The following TACC2 variants were observed in gnomAD, a reference collection of about 807,000 sequenced individuals.
TACC2 encodes the protein transforming acidic coiled-coil containing protein 2, also known as transforming acidic coiled-coil-containing protein 2.
TACC2 carries 137 observed loss-of-function variants against 227.3 expected under a neutral mutation model. The observed-to-expected ratio is 0.60, with a 90% CI of 0.52 to 0.69. The LOEUF (loss-of-function observed/expected upper bound fraction) is 0.69. Ranked by LOEUF, TACC2 falls within the 30% of genes least tolerant of loss-of-function variation. TACC2 has a pLI of 0.00. For synonymous variants in TACC2, 1,523 were observed against 1,487.5 expected (o/e 1.02, Z -0.55); for missense variants, 3,470 against 3,694.4 (o/e 0.94, Z 1.57).
intron 1 of TACC2, among the ~76,000 whole-genome samples, chr10:122,018,692 C>T (rs1027009325): frequency 1.3e-5 from 2 of 152,158 alleles, no homozygotes; most frequent in African/African-American, 4.8e-5. Flanking sequence ...TTTTGGAGTT[C>T]CTCCTCGTTG....
At chr10:122,110,929 G>GA (rs1810564741) in intron 5 of TACC2, among the ~76,000 whole-genome samples, 1 of 152,180 alleles carries the variant, frequency 6.6e-6, no homozygotes, top group African/African-American at 2.4e-5. Flanking sequence ...AGCCCTCGAG[G>GA]AAAAATCCAC....
chr10:122,012,112 A>G (rs1018769800), intron 1 of TACC2, among the ~76,000 whole-genome samples: 6 of 152,002 alleles, frequency 3.9e-5, no homozygotes, highest in Admixed American at 3.3e-4. Context: ...TAATTTTTGT[A>G]TTTTTAGTAA....
At chr10:122,053,781 A>G (rs1565169226) in intron 3 of TACC2, among the ~76,000 whole-genome samples, 1 of 152,172 alleles carries the variant, frequency 6.6e-6, no homozygotes, top group Non-Finnish European at 1.5e-5. Flanking sequence ...GCCTTGAGGC[A>G]TCTGTCCCTT....
chr10:122,021,902 T>C (rs1565089118), intron 1 of TACC2, 35 bp from the exon 2 acceptor site: 1 of 1,346,800 alleles, frequency 7.4e-7, no homozygotes. Flanking sequence ...TCTTTTTTCA[T>C]TTCACAGACG....
chr10:122,017,382 C>G (rs991600448), intron 1 of TACC2, among the ~76,000 whole-genome samples: 3 of 152,282 alleles, frequency 2.0e-5, no homozygotes, highest in African/African-American at 7.2e-5. Context: ...TCCCTCCCTG[C>G]CAGTCCTCAG....
intron 11 of TACC2, among the ~76,000 whole-genome samples, chr10:122,217,232 T>G (rs544935053): frequency 6.6e-6 from 1 of 152,120 alleles, no homozygotes; most frequent in African/African-American, 2.4e-5. Flanking sequence ...GCCACCGTTA[T>G]TCCTAGGCCC....
At chr10:122,179,785 G>A (rs1453269739) in intron 7 of TACC2, among the ~76,000 whole-genome samples, 3 of 152,000 alleles carry the variant, frequency 2.0e-5, no homozygotes, top group Non-Finnish European at 2.9e-5. Context: ...TACAAAAAAT[G>A]TTTTTAAAAA....
At chr10:122,117,043 A>C (rs2084826571) in intron 5 of TACC2, among the ~76,000 whole-genome samples, 1 of 152,022 alleles carries the variant, frequency 6.6e-6, no homozygotes, top group East Asian at 1.9e-4. Context: ...TAATGATTTA[A>C]ATTTGTTACA....
rs570810174 is a variant in TACC2 at position 122,252,122 on chromosome 10, G to A, written c.8782-1869G>A. On this transcript the variant is annotated intron_variant, in intron 22 of 22. Transcript: ENST00000369005. ...AAGAGAGAGCTTGGAAAACCTCCGGGAATCACTTTCTAACGGGTCTGCTGA... is the reference window on the plus strand; with the variant it reads ...AAGAGAGAGCTTGGAAAACCTCCGGAAATCACTTTCTAACGGGTCTGCTGA... Among the ~76,000 whole-genome samples, 5 of 152,328 alleles carry A rather than the reference G, an allele frequency of 3.3e-5. No individual in the cohort carries two copies. The East Asian group carries it at 9.7e-4, about 29-fold the overall frequency.
In TACC2 at chr10:122,000,109, C is replaced by T. The variant is rs189398997; in HGVS notation, c.-46+10621C>T. On this transcript the variant is annotated intron_variant, in intron 1 of 22. Coordinates refer to ENST00000369005, the MANE Select transcript of TACC2 (RefSeq NM_206862.4). Reference sequence around the variant, plus strand: ...GAAATTCAGTTTAGAAAATGCAAATCGGCTAAGTTCGTTGGCTCACGCCTG... The same window carrying T: ...GAAATTCAGTTTAGAAAATGCAAATTGGCTAAGTTCGTTGGCTCACGCCTG... Among the ~76,000 whole-genome samples, 39 of 152,270 alleles carry T rather than the reference C, an allele frequency of 2.6e-4. No homozygotes were observed. In the East Asian group the frequency reaches 3.1e-3, roughly 12 times the overall value.
Position 122,050,589 on chromosome 10 carries a change from A to G in TACC2, c.146+39A>G. 2.0e-6 allele frequency: 3 copies of G among 1,505,640 alleles called. No homozygotes were observed. The highest frequency in any genetic ancestry group is 2.8e-6 in the Non-Finnish European group (3 of 1,083,858). 93.3% of individuals were successfully genotyped at this position (1,505,640 alleles called of 1,614,324 possible). On this transcript the variant is annotated intron_variant, in intron 3 of 22. Transcript: ENST00000369005. This position sits in a 1 kb window ranked among gnomAD's most constrained non-coding sequence, Gnocchi z 4.6. Reference sequence around the variant, plus strand: ...TCTGGAGGACTGATGCAGCCCAAGGACTGCCCCGCTCATTGCCTGCTCCAG... The same window carrying G: ...TCTGGAGGACTGATGCAGCCCAAGGGCTGCCCCGCTCATTGCCTGCTCCAG...
At position 122,205,246 on chromosome 10, in the gene TACC2, C is replaced by T. The variant is rs2095062774; in HGVS notation, c.5972-5151C>T. On this transcript the variant is annotated intron_variant, in intron 8 of 22. Coordinates refer to ENST00000369005, the MANE Select transcript of TACC2 (RefSeq NM_206862.4). The surrounding 1 kb of genome is among the most constrained non-coding windows in gnomAD (Gnocchi z 4.5). ...AGGAAGCAGAGGAGCACAGCCCCACCCGGTGGGGGTTCCTGGGGTCTCTGT... is the reference window on the plus strand; with the variant it reads ...AGGAAGCAGAGGAGCACAGCCCCACTCGGTGGGGGTTCCTGGGGTCTCTGT... Among the ~76,000 whole-genome samples the T allele has an allele frequency of 6.6e-6, 1 of 152,114 alleles. No homozygotes were observed. Among genetic ancestry groups the T allele is most frequent in the East Asian group, 1.9e-4 (1 of 5,188 alleles).
At chr10:122,071,346 G>A (rs997025348) in intron 3 of TACC2, among the ~76,000 whole-genome samples, 1 of 152,150 alleles carries the variant, frequency 6.6e-6, no homozygotes, top group African/African-American at 2.4e-5. Flanking sequence ...TGGCTATGGG[G>A]AGTACTGGTG....
intron 1 of TACC2, among the ~76,000 whole-genome samples, chr10:122,003,767 T>C (rs1387002874): frequency 6.6e-6 from 1 of 152,034 alleles, no homozygotes; most frequent in African/African-American, 2.4e-5. Context: ...GCCATTCTCC[T>C]GCCTCAGCCT....
rs747563042 is a variant in TACC2, at chr10:122,132,621, A to G, written c.5586A>G (p.Ala1862=). The G allele has an allele frequency of 4.3e-6, 7 of 1,614,084 alleles. No homozygotes were observed. The highest frequency in any genetic ancestry group is 3.3e-5 in the Admixed American group (2 of 60,004). The change falls in exon 6 of 23, where the codon GCA becomes GCG. Residue 1862 remains alanine (A), a synonymous_variant. Transcript: ENST00000369005. ...GAEGTESSPV[A]DDIIQPAAPA... The stretch of plus-strand genomic sequence containing the variant: ...TTTCTCTCCCCAGTTCACCTGTGGC[A>G]GATGATATCATCCAGCCCGCTGCCC...
intron 5 of TACC2, among the ~76,000 whole-genome samples, chr10:122,098,564 T>C (rs1018980536): frequency 1.3e-5 from 2 of 152,136 alleles, no homozygotes; most frequent in African/African-American, 4.8e-5. Context: ...GCCTGAAAGA[T>C]GTGTATAATG....
chr10:121,989,175 C>G lies in TACC2; in HGVS notation c.-359C>G, dbSNP rs747252814. The G allele has an allele frequency of 7.2e-5, 11 of 152,406 alleles. No homozygotes were observed. In the Middle Eastern group the frequency reaches 0.01, roughly 142 times the overall value. The allele number at this position is 152,406 out of a possible 1,614,324, so 9.4% of individuals were successfully genotyped here. A position where few individuals can be genotyped will look rare whatever the true frequency, so the allele number is the denominator to read the frequency against. On this transcript the variant is annotated 5_prime_UTR_variant, in exon 1 of 23. Transcript: ENST00000369005. ...GGCAGACCACTGCATAAGTGGACAGCCTGCTCCAAGGGAAGGATCAGGAGA... is the reference window on the plus strand; with the variant it reads ...GGCAGACCACTGCATAAGTGGACAGGCTGCTCCAAGGGAAGGATCAGGAGA...
chr10:122,169,590 A>G (rs1181273660), intron 7 of TACC2, among the ~76,000 whole-genome samples: 1 of 152,198 alleles, frequency 6.6e-6, no homozygotes, highest in Non-Finnish European at 1.5e-5. Context: ...ATTCCTGGTT[A>G]TACGGATGAT....
chr10:122,046,246 G>A (rs1226892142), intron 2 of TACC2, among the ~76,000 whole-genome samples: 7 of 151,990 alleles, frequency 4.6e-5, no homozygotes, highest in Admixed American at 1.3e-4. Flanking sequence ...AGGCCGAGGC[G>A]GGTGGATCTC....
Sources: gnomAD v4.1 joint callset for allele counts (sites outside exome capture counted in the v4.1 genomes callset) on GRCh38, gnomAD v4.1.1 for gene constraint, Gnocchi (gnomAD v3.1) non-coding constraint, MANE v1.5 for transcripts, NCBI Gene and HGNC (gene_info 2026-07-23, HGNC 2026-07-21) for gene names.